PPARGC1A: variants seen among roughly 807,000 people sequenced by gnomAD.
The protein encoded by PPARGC1A is PPARG coactivator 1 alpha, also known as peroxisome proliferator-activated receptor gamma coactivator 1-alpha.
PPARGC1A carries 25 observed loss-of-function variants against 88.7 expected under a neutral mutation model. The ratio of observed to expected loss-of-function variants is 0.28; its 90% CI spans 0.21 to 0.39. The LOEUF is 0.39. Ranked by LOEUF, PPARGC1A falls within the 10% of genes least tolerant of loss-of-function variation. PPARGC1A has a pLI of 1.00. For synonymous variants in PPARGC1A, 363 were observed against 355.6 expected, an observed-to-expected ratio of 1.02 and a Z score of -0.24; for missense variants, 880 against 968.7, an observed-to-expected ratio of 0.91 and a Z score of 1.22.
chr4:24,414,183 G>T, the PPARGC1A span, among the ~76,000 whole-genome samples: 3 of 152,122 alleles, frequency 2.0e-5, no homozygotes, highest in Non-Finnish European at 4.4e-5. Flanking sequence ...AAATTATGAT[G>T]ATATTATTTA....
chr4:24,001,756 A>C, the PPARGC1A span, among the ~76,000 whole-genome samples: 443 of 152,194 alleles, frequency 2.9e-3, 3 homozygotes, highest in African/African-American at 0.01. Context: ...CTACAAACTC[A>C]TCCTGTCTTC....
At chr4:24,283,333 T>C in the PPARGC1A span, among the ~76,000 whole-genome samples, 1 of 152,152 alleles carries the variant, frequency 6.6e-6, no homozygotes, top group Non-Finnish European at 1.5e-5. Flanking sequence ...TGCCATGGGA[T>C]CCATCCCTGC....
At chr4:24,062,765 T>A in the PPARGC1A span, among the ~76,000 whole-genome samples, 1 of 152,224 alleles carries the variant, frequency 6.6e-6, no homozygotes, top group Admixed American at 6.5e-5. Context: ...AACTGAAACT[T>A]TATCATTGAC....
chr4:24,077,634 T>G, the PPARGC1A span, among the ~76,000 whole-genome samples: 590 of 134,882 alleles, frequency 4.4e-3, 3 homozygotes, highest in Admixed American at 7.7e-3. Flanking sequence ...GGTGTGTGTG[T>G]GTGTGTGTGT....
chr4:24,074,687 T>C, the PPARGC1A span, among the ~76,000 whole-genome samples: 2 of 152,214 alleles, frequency 1.3e-5, no homozygotes, highest in African/African-American at 2.4e-5. Context: ...AAATGTTAAA[T>C]AATATGTTCT....
chr4:23,890,993 G>A (rs1309217100), upstream of PPARGC1A, among the ~76,000 whole-genome samples: 1 of 152,096 alleles, frequency 6.6e-6, no homozygotes, highest in Admixed American at 6.6e-5. Context: ...GGGTTGTGTA[G>A]TTTGCGTTTT....
At chr4:24,139,137 CTT>C in the PPARGC1A span, among the ~76,000 whole-genome samples, 4 of 144,792 alleles carry the variant, frequency 2.8e-5, no homozygotes, top group Admixed American at 1.4e-4. Flanking sequence ...CTATCAGAAA[CTT>C]TTTTTTTTTT....
At chr4:23,890,544 T>C (rs1717674825), upstream of PPARGC1A, among the ~76,000 whole-genome samples, 1 of 150,816 alleles carries the variant, frequency 6.6e-6, no homozygotes, top group South Asian at 2.1e-4. Context: ...GCTTATCACA[T>C]GATGCATTTT....
the PPARGC1A span, among the ~76,000 whole-genome samples, chr4:24,285,943 G>A: frequency 8.5e-5 from 13 of 152,312 alleles, no homozygotes; most frequent in African/African-American, 2.2e-4. Flanking sequence ...AAGAAAAAGC[G>A]AAACTATTAA....
At chr4:23,935,872 A>G in the PPARGC1A span, among the ~76,000 whole-genome samples, 2 of 152,102 alleles carry the variant, frequency 1.3e-5, no homozygotes, top group South Asian at 2.1e-4. Context: ...TAAGACATGA[A>G]CCTTAAAAAA....
At chr4:24,472,385 G>A in the PPARGC1A span, among the ~76,000 whole-genome samples, 1 of 152,016 alleles carries the variant, frequency 6.6e-6, no homozygotes, top group African/African-American at 2.4e-5. The surrounding 1 kb of genome is among the most constrained non-coding windows in gnomAD (Gnocchi z 4.5). Context: ...CTGGTTGGAA[G>A]GGGTTTCCCA....
At chr4:24,351,367 C>G in the PPARGC1A span, among the ~76,000 whole-genome samples, 1 of 146,482 alleles carries the variant, frequency 6.8e-6, no homozygotes, top group Admixed American at 6.9e-5. Context: ...ACTGTTCCAG[C>G]TTGGACAACA....
At chr4:24,387,835 AG>A in the PPARGC1A span, among the ~76,000 whole-genome samples, 6 of 104,276 alleles carry the variant, frequency 5.8e-5, no homozygotes, top group African/African-American at 1.7e-4. Flanking sequence ...AGAGAAAGAG[AG>A]AAAGAGAGAG....
chr4:23,846,410 T>C (rs1049374027), intron 2 of PPARGC1A, among the ~76,000 whole-genome samples: 1 of 152,218 alleles, frequency 6.6e-6, no homozygotes, highest in Admixed American at 6.5e-5. Context: ...TATTATACCA[T>C]GTTGCTTATC....
the PPARGC1A span, among the ~76,000 whole-genome samples, chr4:23,910,692 C>T: frequency 6.6e-6 from 1 of 151,514 alleles, no homozygotes; most frequent in African/African-American, 2.4e-5. Flanking sequence ...CCTGCCTCAG[C>T]CTCCCAAAGT....
At chr4:24,399,048 T>C in the PPARGC1A span, among the ~76,000 whole-genome samples, 3 of 152,188 alleles carry the variant, frequency 2.0e-5, no homozygotes, top group Non-Finnish European at 2.9e-5. Context: ...TATTTTAGGA[T>C]TTCAACTTCC....
the PPARGC1A span, among the ~76,000 whole-genome samples, chr4:24,149,774 TG>T: frequency 6.6e-6 from 1 of 152,230 alleles, no homozygotes; most frequent in Non-Finnish European, 1.5e-5. Context: ...AGCAGTTTTA[TG>T]TTTTTAGTTC....
the PPARGC1A span, among the ~76,000 whole-genome samples, chr4:24,402,888 ATC>A: frequency 6.6e-6 from 1 of 152,248 alleles, no homozygotes; most frequent in South Asian, 2.1e-4. Flanking sequence ...CAGGAACAGC[ATC>A]TGTCTCATTT....
the PPARGC1A span, among the ~76,000 whole-genome samples, chr4:23,912,797 T>C: frequency 2.0e-5 from 3 of 151,460 alleles, no homozygotes; most frequent in Admixed American, 6.6e-5. Context: ...AATTTCTTTT[T>C]TTTTTTTTTT....
Sources: gnomAD v4.1 joint callset for allele counts (sites outside exome capture counted in the v4.1 genomes callset) on GRCh38, gnomAD v4.1.1 for gene constraint, Gnocchi (gnomAD v3.1) non-coding constraint, MANE v1.5 for transcripts, NCBI Gene and HGNC (gene_info 2026-07-23, HGNC 2026-07-21) for gene names.